MACROD2: variants seen among roughly 807,000 people sequenced by gnomAD.
MACROD2 encodes the protein ADP-ribose glycohydrolase MACROD2.
A neutral mutation model predicts 70.4 loss-of-function variants in MACROD2; 36 were observed. That is an observed-to-expected ratio of 0.51 (90% CI 0.39 to 0.68). MACROD2 has a LOEUF of 0.68. MACROD2 is among the 30% of genes least tolerant of loss of function. The probability of loss-of-function intolerance (pLI) is 0.00; values close to 1 mark genes in which losing one functional copy is unlikely to be tolerated. For missense variants in MACROD2, 496 were observed against 538.4 expected, an observed-to-expected ratio of 0.92 and a Z score of 0.78; for synonymous variants, 172 against 178.8, an observed-to-expected ratio of 0.96 and a Z score of 0.30.
At chr20:15,371,024 T>C (rs1173214337) in intron 6 of MACROD2, among the ~76,000 whole-genome samples, 1 of 152,154 alleles carries the variant, frequency 6.6e-6, no homozygotes. Context: ...ATTCAGTACA[T>C]GTTTTCTGAT....
At chr20:16,048,273 G>A (rs552219237) in intron 17 of MACROD2, among the ~76,000 whole-genome samples, 11 of 151,914 alleles carry the variant, frequency 7.2e-5, no homozygotes, top group Admixed American at 3.3e-4. Context: ...CTATGAGAAC[G>A]TTAAGAGAGT....
intron 3 of MACROD2, among the ~76,000 whole-genome samples, chr20:14,462,880 T>C (rs2084389103): frequency 6.6e-6 from 1 of 152,020 alleles, no homozygotes; most frequent in Non-Finnish European, 1.5e-5. Context: ...CTCTGTTCTG[T>C]TCCATTGGTC....
chr20:15,706,828 A>G (rs1471231042), intron 8 of MACROD2, among the ~76,000 whole-genome samples: 1 of 152,206 alleles, frequency 6.6e-6, no homozygotes, highest in Non-Finnish European at 1.5e-5. Flanking sequence ...TAAGATTTAT[A>G]TTTATGATAT....
intron 5 of MACROD2, among the ~76,000 whole-genome samples, chr20:15,146,236 A>G (rs536349350): frequency 1.9e-4 from 29 of 152,282 alleles, no homozygotes; most frequent in African/African-American, 6.7e-4. Flanking sequence ...CTCATGAAGA[A>G]TGAAATGCTT....
At chr20:15,707,678 G>T (rs2146908597) in intron 8 of MACROD2, among the ~76,000 whole-genome samples, 1 of 152,200 alleles carries the variant, frequency 6.6e-6, no homozygotes, top group African/African-American at 2.4e-5. Flanking sequence ...AGCTGTTTGG[G>T]AGGCTGAGGC....
chr20:14,088,063 G>A (rs578191962), intron 3 of MACROD2, among the ~76,000 whole-genome samples: 2 of 152,094 alleles, frequency 1.3e-5, no homozygotes, highest in Admixed American at 6.5e-5. Context: ...GGGCGCATTG[G>A]CTCATGCCTG....
intron 8 of MACROD2, among the ~76,000 whole-genome samples, chr20:15,529,702 T>C (rs2047770898): frequency 6.6e-6 from 1 of 152,116 alleles, no homozygotes; most frequent in Non-Finnish European, 1.5e-5. Flanking sequence ...AAAAAACAAA[T>C]CAAATGAATC....
At chr20:15,413,621 G>A (rs886823597) in intron 6 of MACROD2, among the ~76,000 whole-genome samples, 1 of 152,284 alleles carries the variant, frequency 6.6e-6, no homozygotes, top group Admixed American at 6.5e-5. Flanking sequence ...AGAATCTTTA[G>A]TGGGATTTTA....
At chr20:15,009,988 C>T (rs1431764582) in intron 5 of MACROD2, among the ~76,000 whole-genome samples, 1 of 152,042 alleles carries the variant, frequency 6.6e-6, no homozygotes, top group Non-Finnish European at 1.5e-5. Context: ...ATAAAAAAAG[C>T]TCACTTCATG....
chr20:14,808,220 A>G (rs537463568), intron 5 of MACROD2, among the ~76,000 whole-genome samples: 5 of 152,302 alleles, frequency 3.3e-5, no homozygotes, highest in Non-Finnish European at 7.4e-5. Flanking sequence ...AGCCCATCAG[A>G]CTAACAGTGG....
rs147279110 is a variant in MACROD2 at position 14,905,393 on chromosome 20, G to A, written c.418+220434G>A. 13 of 152,214 alleles carry A rather than the reference G, an allele frequency of 8.5e-5. No individual in the cohort carries two copies. The East Asian group carries it at 2.3e-3, about 27-fold the overall frequency. 9.4% of individuals were successfully genotyped at this position (152,214 alleles called of 1,614,324 possible). A position where few individuals can be genotyped will look rare whatever the true frequency, so the allele number is the denominator to read the frequency against. On this transcript the variant is annotated intron_variant, in intron 5 of 17. Transcript: ENST00000684519. ...GATTACTATGAAGTCAAACTGCAAA[G>A]TCAAGCCATTGATGTCATACTAAAG...
At chr20:14,743,520 TAACTAGA>T (rs1265915325) in intron 5 of MACROD2, among the ~76,000 whole-genome samples, 2 of 152,164 alleles carry the variant, frequency 1.3e-5, no homozygotes, top group Non-Finnish European at 2.9e-5. Context: ...CAGACTCTAG[TAACTAGA>T]AAAGACAAGA....
chr20:14,605,390 G>T (rs942362945), intron 4 of MACROD2, among the ~76,000 whole-genome samples: 62 of 6,894 alleles, frequency 9.0e-3, no homozygotes, highest in African/African-American at 0.036. Flanking sequence ...ACCTGCTCAG[G>T]TGTCCAAATG....
At chr20:15,987,201 C>G (rs1174193454) in intron 15 of MACROD2, 43 bp downstream of exon 15, 11 of 1,442,636 alleles carry the variant, frequency 7.6e-6, no homozygotes, top group Non-Finnish European at 1.1e-5. Flanking sequence ...TGGAGAGTTT[C>G]TTTGGATTCC....
intron 5 of MACROD2, among the ~76,000 whole-genome samples, chr20:14,869,889 A>G (rs938123962): frequency 6.6e-6 from 1 of 152,142 alleles, no homozygotes; most frequent in African/African-American, 2.4e-5. Flanking sequence ...AGCAGCTGGG[A>G]AGACGGCAGT....
chr20:15,678,502 G>A (rs575539747), intron 8 of MACROD2, among the ~76,000 whole-genome samples: 63 of 152,172 alleles, frequency 4.1e-4, no homozygotes, highest in African/African-American at 1.4e-3. Context: ...TGGGACTACA[G>A]GCGCCCGCCA....
At chr20:15,541,867 A>G (rs1320658344) in intron 8 of MACROD2, among the ~76,000 whole-genome samples, 1 of 152,166 alleles carries the variant, frequency 6.6e-6, no homozygotes, top group Admixed American at 6.5e-5. Context: ...AGGCGCTCAT[A>G]TAATGCTCTC....
chr20:15,132,541 A>G (rs940014042), intron 5 of MACROD2, among the ~76,000 whole-genome samples: 2 of 151,986 alleles, frequency 1.3e-5, no homozygotes, highest in Non-Finnish European at 2.9e-5. Flanking sequence ...TATATAGCCC[A>G]AAAAGGTAAA....
At chr20:15,964,167 G>C (rs2066104822) in intron 12 of MACROD2, among the ~76,000 whole-genome samples, 1 of 152,156 alleles carries the variant, frequency 6.6e-6, no homozygotes, top group Admixed American at 6.5e-5. Flanking sequence ...ACATTTTTCA[G>C]GGTAGTTTAT....
Sources: allele counts gnomAD v4.1 joint callset (sites outside exome capture counted in the v4.1 genomes callset), GRCh38; gene constraint gnomAD v4.1.1; transcripts MANE v1.5; gene names NCBI Gene and HGNC (gene_info 2026-07-23, HGNC 2026-07-21).